Variants in ACACA observed in about 807,000 individuals in gnomAD.
ACACA encodes the protein acetyl-CoA carboxylase 1.
ACACA carries 103 observed loss-of-function variants against 296.1 expected under a neutral mutation model. The observed-to-expected ratio is 0.35, with a 90% CI of 0.30 to 0.41. ACACA has a LOEUF of 0.41. ACACA is among the 10% of genes least tolerant of loss of function. ACACA has a pLI of 1.00. For missense variants in ACACA, 1,554 were observed against 2,989.7 expected (o/e 0.52, Z 11.20); for synonymous variants, 953 against 1,038.6 (o/e 0.92, Z 1.58).
chr17:37,202,453 T>C (rs947543474), intron 33 of ACACA, among the ~76,000 whole-genome samples: 1 of 151,738 alleles, frequency 6.6e-6, no homozygotes, highest in Non-Finnish European at 1.5e-5. Flanking sequence ...CATTTACAAA[T>C]ATATGATCCT....
intron 5 of ACACA, 35 bp from the exon 6 acceptor site, chr17:37,278,040 AT>A (rs756709615): frequency 4.0e-5 from 60 of 1,517,286 alleles, no homozygotes; most frequent in African/African-American, 8.2e-5. Context: ...AGAACACATG[AT>A]TTTTTTTTCC....
At chr17:37,247,021 A>G in intron 18 of ACACA, 45 bp from the exon 19 acceptor site, 1 of 1,607,766 alleles carries the variant, frequency 6.2e-7, no homozygotes, top group Non-Finnish European at 8.5e-7. Context: ...GCACCTCAGG[A>G]TGTAAAGGAG....
chr17:37,251,955 T>G, intron 16 of ACACA, 50 bp downstream of exon 16: 1 of 1,517,562 alleles, frequency 6.6e-7, no homozygotes, highest in Non-Finnish European at 9.2e-7. Context: ...TCAGTCCCTG[T>G]ACTCAGGACC....
chr17:37,181,900 CAAAA>C (rs61045031), intron 39 of ACACA, among the ~76,000 whole-genome samples: 6 of 22,236 alleles, frequency 2.7e-4, no homozygotes, highest in South Asian at 1.7e-3. Context: ...ACTCTGTATC[CAAAA>C]AAAAAAAAAA....
rs2075961850 is a variant in ACACA, at chr17:37,149,759, A to C, written c.5679+105T>G. The C allele has an allele frequency of 5.1e-6, 5 of 972,020 alleles. No homozygotes were observed. The South Asian group carries it at 6.5e-5, about 13-fold the overall frequency. 60.2% of individuals were successfully genotyped at this position (972,020 alleles called of 1,614,324 possible). ...GAGAGGGGAAGAGATAGACTGAGGA[A>C]GGCACGGATTGAACTGCTTCCTTCC... On this transcript the variant is annotated intron_variant, in intron 45 of 55. Coordinates refer to ENST00000616317, the MANE Select transcript of ACACA (RefSeq NM_198834.3).
rs531178566 is a variant in ACACA at position 37,231,942 on chromosome 17, A to G, written c.3246+3033T>C. Among the ~76,000 whole-genome samples the G allele has an allele frequency of 2.6e-5, 4 of 152,336 alleles. No homozygotes were observed. In the East Asian group the frequency reaches 7.7e-4, roughly 29 times the overall value. ...AGAGCTTTCAAAAAATAAATGTACTATTGGTCTTCCAGACTTTGTGTTAAA... is the reference window on the plus strand; with the variant it reads ...AGAGCTTTCAAAAAATAAATGTACTGTTGGTCTTCCAGACTTTGTGTTAAA... On this transcript the variant is annotated intron_variant, in intron 25 of 55. Transcript: ENST00000616317.
At chr17:37,331,701 C>T (rs1049262148) in intron 2 of ACACA, among the ~76,000 whole-genome samples, 13 of 151,762 alleles carry the variant, frequency 8.6e-5, no homozygotes, top group Non-Finnish European at 1.6e-4. Context: ...CCACTGTGCC[C>T]GGTCTAATTT....
rs1394214499 is a variant in ACACA at position 37,379,433 on chromosome 17, C to T, written c.38+26829G>A. Reference sequence around the variant, plus strand: ...CAGGCACTAACTTTTAGTTGACATCCTTGAAGGCAGCCAGAACTCCGTAGC... The same window carrying T: ...CAGGCACTAACTTTTAGTTGACATCTTTGAAGGCAGCCAGAACTCCGTAGC... On this transcript the variant is annotated intron_variant, in intron 1 of 55. Transcript: ENST00000616317. 2.5e-6 allele frequency: 4 copies of T among 1,568,868 alleles called. No individual in the cohort carries two copies. The African/African-American group carries it at 4.1e-5, about 16-fold the overall frequency.
At chr17:37,337,913 T>C (rs1333342617) in intron 2 of ACACA, among the ~76,000 whole-genome samples, 5 of 151,826 alleles carry the variant, frequency 3.3e-5, no homozygotes, top group Admixed American at 2.6e-4. Context: ...CTGGCTAACA[T>C]GGTGAAACCC....
intron 52 of ACACA, among the ~76,000 whole-genome samples, chr17:37,105,864 CAAA>C (rs61529137): frequency 6.7e-4 from 77 of 115,534 alleles, no homozygotes; most frequent in Admixed American, 1.3e-3. Flanking sequence ...AACTCTGTCT[CAAA>C]AAAAAAAAAA....
At chr17:37,205,717 G>A in intron 33 of ACACA, 48 bp downstream of exon 33, 1 of 1,369,470 alleles carries the variant, frequency 7.3e-7, no homozygotes, top group Non-Finnish European at 1.0e-6. Context: ...ATGATACACA[G>A]CCAGTAGAAA....
intron 54 of ACACA, among the ~76,000 whole-genome samples, chr17:37,096,023 C>A (rs1458079529): frequency 6.6e-6 from 1 of 152,154 alleles, no homozygotes; most frequent in Non-Finnish European, 1.5e-5. Context: ...AAAATGCCAG[C>A]TTCATAGGTC....
chr17:37,365,649 T>A, intron 1 of ACACA: 1 of 985,424 alleles, frequency 1.0e-6, no homozygotes, highest in Non-Finnish European at 1.2e-6. Flanking sequence ...GTCTCTTTGC[T>A]CTTGTTAATC....
chr17:37,348,485 T>C (rs1489312801), intron 1 of ACACA, among the ~76,000 whole-genome samples: 2 of 152,074 alleles, frequency 1.3e-5, no homozygotes, highest in Non-Finnish European at 2.9e-5. Context: ...TTCAGACTTA[T>C]CAGAAATAAC....
At position 37,259,549 on chromosome 17, in the gene ACACA, G is replaced by C. The variant is rs760928488; in HGVS notation, c.1330-19C>G. On this transcript the variant is annotated intron_variant, in intron 11 of 55. Transcript: ENST00000616317. The stretch of plus-strand genomic sequence containing the variant: ...CCGCACACTCAAAGAAGAGAGATAA[G>C]CAAACATAAGTATCTCACCTTATCC... 6.2e-7 allele frequency: 1 copy of C among 1,614,044 alleles called. No individual in the cohort carries two copies. The highest frequency in any genetic ancestry group is 2.2e-5 in the East Asian group (1 of 44,876).
chr17:37,251,857 C>CCT (rs36093723), intron 16 of ACACA, 148 bp downstream of exon 16: 203,046 of 766,404 alleles, frequency 0.26, 35,250 homozygotes, highest in African/African-American at 0.69. Context: ...GTCAACATCC[C>CCT]CTCTTTCTTG....
chr17:37,228,050 T>C lies in ACACA; in HGVS notation c.3247-1598A>G, dbSNP rs73982277. 1.1e-3 allele frequency among the ~76,000 whole-genome samples: 165 copies of C among 152,078 alleles called. 1 individual carries two copies. The highest frequency in any genetic ancestry group is 3.9e-3 in the African/African-American group (162 of 41,484). On this transcript the variant is annotated intron_variant, in intron 25 of 55. Coordinates refer to ENST00000616317, the MANE Select transcript of ACACA (RefSeq NM_198834.3). ...TCTATTTCATACTTAACCTTCCCCATCTCAGGGATACTCTTTATAGACCTT... is the reference window on the plus strand; with the variant it reads ...TCTATTTCATACTTAACCTTCCCCACCTCAGGGATACTCTTTATAGACCTT...
chr17:37,244,650 G>T lies in ACACA; in HGVS notation c.2680C>A (p.Leu894Met). The change falls in exon 21 of 56, where the codon CTG becomes ATG. Residue 894 changes from leucine to methionine, a missense_variant. This residue lies in a region of ACACA where 316 missense variants were observed against 540.9 expected (regional missense o/e 0.58). Transcript: ENST00000616317. ...EKLHRVFHYV[L>M]DNLVNVMNGY... ...TTCATTACATTGACCAGATTATCCAGGACATAATGGAACACTCGATGGAGT... is the reference window on the plus strand; with the variant it reads ...TTCATTACATTGACCAGATTATCCATGACATAATGGAACACTCGATGGAGT... The T allele has an allele frequency of 6.2e-7, 1 of 1,614,176 alleles. No homozygotes were observed. The highest frequency in any genetic ancestry group is 1.1e-5 in the South Asian group (1 of 91,084).
At chr17:37,180,678 C>T (rs1016066087) in intron 40 of ACACA, among the ~76,000 whole-genome samples, 2 of 152,134 alleles carry the variant, frequency 1.3e-5, no homozygotes, top group Admixed American at 1.3e-4. Context: ...TTTTCTCATG[C>T]TAGTTTTTAT....
Sources: gnomAD v4.1 joint callset for allele counts (sites outside exome capture counted in the v4.1 genomes callset) on GRCh38, gnomAD v4.1.1 for gene constraint, gnomAD v4.1.1 regional missense constraint, MANE v1.5 for transcripts, NCBI Gene and HGNC (gene_info 2026-07-23, HGNC 2026-07-21) for gene names.